Variants in CEP85L observed in about 807,000 individuals in gnomAD.
CEP85L encodes centrosomal protein of 85 kDa-like.
Under a neutral mutation model 100.3 loss-of-function variants are expected in CEP85L, and 60 were observed. The observed-to-expected ratio is 0.60, with a 90% CI of 0.49 to 0.74. The LOEUF (loss-of-function observed/expected upper bound fraction) is 0.74, where lower values mean the gene tolerates loss of function less well. Ranked by LOEUF, CEP85L falls within the 30% of genes least tolerant of loss-of-function variation. CEP85L has a pLI of 0.00. For synonymous variants in CEP85L, 319 were observed against 322.7 expected, an observed-to-expected ratio of 0.99 and a Z score of 0.12; for missense variants, 973 against 936.2, an observed-to-expected ratio of 1.04 and a Z score of -0.51.
intron 5 of CEP85L, among the ~76,000 whole-genome samples, chr6:118,500,611 G>A (rs1030544767): frequency 6.6e-6 from 1 of 152,118 alleles, no homozygotes; most frequent in African/African-American, 2.4e-5. Context: ...TAGAGGCAAG[G>A]TGCCCCCGAC....
At chr6:118,632,645 T>C (rs772964027) in intron 1 of CEP85L, 34 bp from the exon 2 acceptor site, 3 of 1,564,644 alleles carry the variant, frequency 1.9e-6, no homozygotes, top group Non-Finnish European at 2.6e-6. Flanking sequence ...TTAACACATA[T>C]ATCTGAGTAG....
intron 3 of CEP85L, among the ~76,000 whole-genome samples, chr6:118,540,111 T>C (rs59685154): frequency 0.029 from 4,397 of 151,260 alleles, 220 homozygotes; most frequent in African/African-American, 0.1. Flanking sequence ...AGTACACAAT[T>C]AACAAAAAGA....
intron 6 of CEP85L, among the ~76,000 whole-genome samples, chr6:118,491,264 G>T (rs980339795): frequency 4.0e-5 from 6 of 149,910 alleles, no homozygotes; most frequent in Non-Finnish European, 1.5e-5. Flanking sequence ...TAGTGTTCCT[G>T]TCTGTGTATT....
chr6:118,637,327 G>T (rs1163113669), intron 1 of CEP85L, among the ~76,000 whole-genome samples: 1 of 152,072 alleles, frequency 6.6e-6, no homozygotes, highest in African/African-American at 2.4e-5. Flanking sequence ...TTCTTTCAGT[G>T]TACTGCCACC....
At chr6:118,694,560 T>C (rs1777145785) in intron 1 of CEP85L, among the ~76,000 whole-genome samples, 1 of 152,186 alleles carries the variant, frequency 6.6e-6, no homozygotes, top group African/African-American at 2.4e-5. Flanking sequence ...TTTTAGTGTT[T>C]GCAGAAGAGT....
chr6:118,625,391 T>C (rs1467198481), intron 2 of CEP85L, among the ~76,000 whole-genome samples: 2 of 152,180 alleles, frequency 1.3e-5, no homozygotes, highest in African/African-American at 4.8e-5. Context: ...GCGCCTATTC[T>C]CCCTTTTATG....
chr6:118,470,089 G>A (rs1256796349), intron 11 of CEP85L, among the ~76,000 whole-genome samples: 1 of 151,824 alleles, frequency 6.6e-6, no homozygotes, highest in African/African-American at 2.4e-5. Flanking sequence ...ACTTCGGTGC[G>A]AGAGACAAAG....
intron 2 of CEP85L, among the ~76,000 whole-genome samples, chr6:118,566,662 G>A (rs1379417074): frequency 6.6e-6 from 1 of 152,060 alleles, no homozygotes; most frequent in Non-Finnish European, 1.5e-5. Context: ...AAGGTGATCT[G>A]CCTGCCTCAG....
At chr6:118,529,914 A>G (rs1320806876) in intron 3 of CEP85L, among the ~76,000 whole-genome samples, 1 of 152,194 alleles carries the variant, frequency 6.6e-6, no homozygotes, top group Non-Finnish European at 1.5e-5. Flanking sequence ...TTGTTTTATT[A>G]TAGACCAGGA....
intron 2 of CEP85L, among the ~76,000 whole-genome samples, chr6:118,592,452 TGA>T (rs956176968): frequency 2.6e-5 from 4 of 152,080 alleles, no homozygotes; most frequent in Admixed American, 6.6e-5. Flanking sequence ...CAAAATTTTA[TGA>T]GAGATATTTT....
At position 118,609,090 on chromosome 6, in the gene CEP85L, T is replaced by C. The variant is rs987264719; in HGVS notation, c.232+23363A>G. Among the ~76,000 whole-genome samples, 4 of 152,304 alleles carry C rather than the reference T, an allele frequency of 2.6e-5. No homozygotes were observed. The East Asian group carries it at 5.8e-4, about 22-fold the overall frequency. ...TTATTTTTTAAAGAAATCCAATATA[T>C]AGATGTTTTTAGGAAAAGAAAGCAA... On this transcript the variant is annotated intron_variant, in intron 2 of 12. Transcript: ENST00000368491.
At chr6:118,590,718 T>C (rs1316619947) in intron 2 of CEP85L, among the ~76,000 whole-genome samples, 1 of 152,120 alleles carries the variant, frequency 6.6e-6, no homozygotes, top group Non-Finnish European at 1.5e-5. Context: ...CTTATTATTA[T>C]TTGTGTATCC....
chr6:118,523,765 T>A (rs958853923), intron 4 of CEP85L, 37 bp downstream of exon 4: 2 of 978,814 alleles, frequency 2.0e-6, no homozygotes, highest in African/African-American at 3.3e-5. Flanking sequence ...TAAATTTCTG[T>A]AGGCCTGAAA....
intron 8 of CEP85L, among the ~76,000 whole-genome samples, chr6:118,481,407 T>C (rs1253505313): frequency 6.6e-6 from 1 of 152,098 alleles, no homozygotes; most frequent in Admixed American, 6.6e-5. Flanking sequence ...TCAATGAAAT[T>C]ATGCTTCTAG....
chr6:118,652,415 AAT>A, upstream of CEP85L: 1 of 1,129,498 alleles, frequency 8.9e-7, no homozygotes, highest in Non-Finnish European at 1.1e-6. Context: ...TCTCACTGGC[AAT>A]ATGGTGATGC....
Position 118,612,684 on chromosome 6 carries a change from G to A in CEP85L, c.232+19769C>T, listed in dbSNP as rs180947491. Among the ~76,000 whole-genome samples the A allele has an allele frequency of 1.7e-3, 7 of 4,192 alleles. 1 individual carries two copies. The highest frequency in any genetic ancestry group is 0.013 in the South Asian group (1 of 78). The allele number at this position is 4,192 out of a possible 152,430, so 2.8% of individuals were successfully genotyped here. On this transcript the variant is annotated intron_variant, in intron 2 of 12. Transcript: ENST00000368491. ...TCAAAAAAAAAAAAAAGCGGGGGGGGGGGGGGGGGACTCTCAAATCAGTAA... is the reference window on the plus strand; with the variant it reads ...TCAAAAAAAAAAAAAAGCGGGGGGGAGGGGGGGGGACTCTCAAATCAGTAA...
intron 1 of CEP85L, among the ~76,000 whole-genome samples, chr6:118,699,743 G>A (rs1280803364): frequency 5.3e-5 from 8 of 152,100 alleles, no homozygotes; most frequent in Non-Finnish European, 1.0e-4. Flanking sequence ...GCAGGCTGGA[G>A]GAGTGCAATG....
chr6:118,477,976 A>G (rs1390857324), intron 10 of CEP85L, among the ~76,000 whole-genome samples: 2 of 152,152 alleles, frequency 1.3e-5, no homozygotes, highest in African/African-American at 2.4e-5. Context: ...AAAGGACATC[A>G]TAATCTACAT....
At chr6:118,556,406 A>G (rs937058846) in intron 3 of CEP85L, among the ~76,000 whole-genome samples, 1 of 152,196 alleles carries the variant, frequency 6.6e-6, no homozygotes, top group Non-Finnish European at 1.5e-5. Context: ...GTCTCAAGCC[A>G]AAAATGCCCA....
Sources: allele counts gnomAD v4.1 joint callset (sites outside exome capture counted in the v4.1 genomes callset), GRCh38; gene constraint gnomAD v4.1.1; transcripts MANE v1.5; gene names NCBI Gene and HGNC (gene_info 2026-07-23, HGNC 2026-07-21).